MSI2: variants seen among roughly 807,000 people sequenced by gnomAD.
MSI2 encodes the protein musashi RNA binding protein 2.
MSI2 carries 17 observed loss-of-function variants against 45.6 expected under a neutral mutation model. The ratio of observed to expected loss-of-function variants is 0.37; its 90% CI spans 0.26 to 0.56. The LOEUF (loss-of-function observed/expected upper bound fraction) is 0.56. Among genes scored for constraint, MSI2 ranks in the 20% least tolerant of loss-of-function variants. The pLI is 0.77. For synonymous variants in MSI2, 156 were observed against 158.2 expected, an observed-to-expected ratio of 0.99 and a Z score of 0.11; for missense variants, 293 against 444.2, an observed-to-expected ratio of 0.66 and a Z score of 3.06.
intron 7 of MSI2, among the ~76,000 whole-genome samples, chr17:57,558,470 C>A (rs1318414279): frequency 6.6e-6 from 1 of 152,128 alleles, no homozygotes; most frequent in Non-Finnish European, 1.5e-5. Context: ...TCTTGGAGGC[C>A]TGATGACACC....
At chr17:57,633,050 G>T (rs910376045) in intron 10 of MSI2, 1 of 1,041,362 alleles carries the variant, frequency 9.6e-7, no homozygotes, top group Admixed American at 5.6e-5. Flanking sequence ...TAGTATGCTT[G>T]CCTCACAAAC....
chr17:57,478,837 A>G (rs769929434), intron 6 of MSI2, among the ~76,000 whole-genome samples: 11 of 152,236 alleles, frequency 7.2e-5, no homozygotes, highest in Admixed American at 1.3e-4. Context: ...TCTAGGAAAC[A>G]AGCAAGACTT....
intron 9 of MSI2, chr17:57,625,572 G>A (rs116764455): frequency 6.6e-6 from 1 of 152,188 alleles, no homozygotes; most frequent in Non-Finnish European, 1.5e-5. Flanking sequence ...GCTGTGTGTA[G>A]GGATGTTTTT....
At chr17:57,264,633 A>G (rs1907612912) in intron 5 of MSI2, 1 of 152,220 alleles carries the variant, frequency 6.6e-6, no homozygotes. Context: ...GACTTTATTA[A>G]TCCATTTAAT....
chr17:57,471,728 C>T (rs1027000837), intron 6 of MSI2, among the ~76,000 whole-genome samples: 2 of 152,152 alleles, frequency 1.3e-5, no homozygotes, highest in African/African-American at 4.8e-5. Context: ...CGTGCTGCCC[C>T]CAGCCTGGGG....
intron 5 of MSI2, among the ~76,000 whole-genome samples, chr17:57,312,986 A>G (rs1303909842): frequency 6.6e-6 from 1 of 152,166 alleles, no homozygotes; most frequent in Non-Finnish European, 1.5e-5. Context: ...AGCTGGAACT[A>G]CAGGCGTGTG....
chr17:57,645,460 G>A (rs137865693), intron 10 of MSI2, among the ~76,000 whole-genome samples: 1,934 of 151,468 alleles, frequency 0.013, 16 homozygotes, highest in Middle Eastern at 0.037. Flanking sequence ...TTTTGAGACA[G>A]AATCTGGCTC....
At chr17:57,282,340 C>T (rs536488774) in intron 5 of MSI2, among the ~76,000 whole-genome samples, 2 of 152,276 alleles carry the variant, frequency 1.3e-5, no homozygotes, top group East Asian at 3.9e-4. Flanking sequence ...TGCTGCTCCT[C>T]CAAGGAGCCA....
chr17:57,285,869 C>T (rs772760670), intron 5 of MSI2: 10 of 1,515,524 alleles, frequency 6.6e-6, no homozygotes, highest in South Asian at 5.0e-5. Context: ...TCTGATTTTC[C>T]GAACAGGTGT....
At chr17:57,339,665 C>T (rs1914970017) in intron 5 of MSI2, among the ~76,000 whole-genome samples, 2 of 152,150 alleles carry the variant, frequency 1.3e-5, no homozygotes, top group Non-Finnish European at 2.9e-5. Flanking sequence ...GGGACATTTT[C>T]TCTCCAAGGA....
At chr17:57,508,292 C>T (rs2332927) in intron 6 of MSI2, among the ~76,000 whole-genome samples, 20,144 of 152,166 alleles carry the variant, frequency 0.13, 1,519 homozygotes, top group African/African-American at 0.19. Context: ...TCCTCTGCTG[C>T]CCGTATCCAG....
intron 6 of MSI2, among the ~76,000 whole-genome samples, chr17:57,497,012 T>C (rs2085992812): frequency 6.6e-6 from 1 of 152,186 alleles, no homozygotes; most frequent in Admixed American, 6.5e-5. Context: ...AGTTTCGCTC[T>C]CGTTGCCCAG....
intron 5 of MSI2, among the ~76,000 whole-genome samples, chr17:57,318,806 A>G (rs1487209303): frequency 6.6e-6 from 1 of 152,160 alleles, no homozygotes; most frequent in African/African-American, 2.4e-5. Flanking sequence ...TGCAAAGAAG[A>G]TGCCTCGCTG....
intron 8 of MSI2, among the ~76,000 whole-genome samples, chr17:57,613,513 G>T (rs750475423): frequency 6.6e-6 from 1 of 151,836 alleles, no homozygotes; most frequent in South Asian, 2.1e-4. Flanking sequence ...TTCTAATTCC[G>T]GTAGGGCAAA....
intron 10 of MSI2, among the ~76,000 whole-genome samples, chr17:57,637,301 C>T (rs936702955): frequency 2.0e-5 from 3 of 152,210 alleles, no homozygotes; most frequent in Non-Finnish European, 2.9e-5. Context: ...AGACCGACCG[C>T]GGCACGAGGC....
chr17:57,573,680 C>A (rs2087938704), intron 7 of MSI2, among the ~76,000 whole-genome samples: 1 of 152,214 alleles, frequency 6.6e-6, no homozygotes, highest in Non-Finnish European at 1.5e-5. Context: ...TTATCCAGGG[C>A]TGTGTTAACA....
intron 6 of MSI2, chr17:57,449,570 T>G (rs1200813392): frequency 6.6e-6 from 1 of 152,256 alleles, no homozygotes; most frequent in Non-Finnish European, 1.5e-5. Context: ...ATAGGTTATG[T>G]GTCCATTATA....
At chr17:57,448,715 C>T (rs964580039) in intron 6 of MSI2, 3 of 152,218 alleles carry the variant, frequency 2.0e-5, no homozygotes, top group Non-Finnish European at 4.4e-5. Context: ...GGTTATTGGA[C>T]TTTTGTTGTT....
intron 11 of MSI2, among the ~76,000 whole-genome samples, chr17:57,662,265 G>A (rs1912043164): frequency 6.6e-6 from 1 of 152,176 alleles, no homozygotes; most frequent in South Asian, 2.1e-4. Flanking sequence ...AGAACACCAC[G>A]ATGGCAGCCA....
Sources: allele counts gnomAD v4.1 joint callset (sites outside exome capture counted in the v4.1 genomes callset), GRCh38; gene constraint gnomAD v4.1.1; transcripts MANE v1.5; gene names NCBI Gene and HGNC (gene_info 2026-07-23, HGNC 2026-07-21).